The following CEP83 variants were observed in gnomAD, a reference collection of about 807,000 sequenced individuals.
CEP83 encodes centrosomal protein 83.
A neutral mutation model predicts 101.9 loss-of-function variants in CEP83; 70 were observed. The observed-to-expected ratio is 0.69, with a 90% confidence interval of 0.57 to 0.84. The LOEUF (loss-of-function observed/expected upper bound fraction) is 0.84. CEP83 is among the 40% of genes least tolerant of loss of function. The pLI is 0.00. For missense variants in CEP83, 715 were observed against 787.2 expected (o/e 0.91, Z 1.10); for synonymous variants, 264 against 267.9 (o/e 0.99, Z 0.14).
chr12:94,402,409 G>GA (rs548181424), intron 5 of CEP83: 18 of 150,692 alleles, frequency 1.2e-4, no homozygotes, highest in Non-Finnish European at 2.1e-4. Flanking sequence ...ATGTATACCA[G>GA]AAAAAAAAAT....
chr12:94,400,588 G>A (rs1431991253), intron 6 of CEP83, among the ~76,000 whole-genome samples: 2 of 151,972 alleles, frequency 1.3e-5, no homozygotes, highest in African/African-American at 2.4e-5. Flanking sequence ...AAAAGACTTT[G>A]TACAATGAAA....
chr12:94,428,430 T>G (rs1272085386), intron 2 of CEP83, among the ~76,000 whole-genome samples: 10 of 152,224 alleles, frequency 6.6e-5, no homozygotes, highest in African/African-American at 2.4e-4. Flanking sequence ...ACAATAAAGA[T>G]TATCTACTGA....
chr12:94,267,405 ACT>A, the CEP83 span, among the ~76,000 whole-genome samples: 3,182 of 152,258 alleles, frequency 0.021, 32 homozygotes, highest in Middle Eastern at 0.044. Context: ...ATTTGTTAAC[ACT>A]CGACTCATCA....
intron 11 of CEP83, among the ~76,000 whole-genome samples, chr12:94,336,821 G>T (rs982652011): frequency 1.3e-5 from 2 of 151,678 alleles, no homozygotes; most frequent in African/African-American, 4.8e-5. Context: ...TTATCAACTG[G>T]GTGCCTTCTT....
At chr12:94,352,236 T>G (rs2060231551) in intron 11 of CEP83, among the ~76,000 whole-genome samples, 1 of 151,996 alleles carries the variant, frequency 6.6e-6, no homozygotes, top group Admixed American at 6.5e-5. Flanking sequence ...CTGGCCAACA[T>G]ACTGAAACCC....
intron 1 of CEP83, among the ~76,000 whole-genome samples, chr12:94,437,102 G>A (rs895574812): frequency 1.3e-5 from 2 of 151,896 alleles, no homozygotes; most frequent in African/African-American, 2.4e-5. Flanking sequence ...CCAGCACTTC[G>A]GGAGGCCAAG....
intron 11 of CEP83, among the ~76,000 whole-genome samples, chr12:94,345,265 T>C (rs2059878761): frequency 6.6e-6 from 1 of 152,026 alleles, no homozygotes; most frequent in South Asian, 2.1e-4. Flanking sequence ...ATTGATAAAG[T>C]GGTGTAGTAT....
intron 1 of CEP83, among the ~76,000 whole-genome samples, chr12:94,449,825 C>A (rs576137548): frequency 2.3e-4 from 33 of 142,604 alleles, no homozygotes; most frequent in African/African-American, 8.7e-4. Flanking sequence ...ACAGCATGAC[C>A]AAGTGTGATC....
downstream of CEP83, chr12:94,305,335 A>G (rs1293661776): frequency 7.3e-6 from 8 of 1,091,258 alleles, no homozygotes; most frequent in Non-Finnish European, 1.1e-5. Flanking sequence ...ACGACTTGGG[A>G]GCAAAATGGC....
chr12:94,380,071 C>CAAAAAAAAAAA (rs11362391), intron 6 of CEP83, among the ~76,000 whole-genome samples: 2 of 83,198 alleles, frequency 2.4e-5, no homozygotes, highest in Non-Finnish European at 4.7e-5. Context: ...CCCGGCCCTG[C>CAAAAAAAAAAA]AAAAAAAAAA....
intron 8 of CEP83, among the ~76,000 whole-genome samples, chr12:94,372,397 C>A (rs2061346900): frequency 6.6e-6 from 1 of 152,104 alleles, no homozygotes; most frequent in Non-Finnish European, 1.5e-5. Flanking sequence ...GATTTTACTA[C>A]ATTATAATTT....
At chr12:94,278,057 C>G in the CEP83 span, 5 of 455,892 alleles carry the variant, frequency 1.1e-5, no homozygotes, top group South Asian at 4.6e-5. Flanking sequence ...GCTTTGGAGC[C>G]CCCCCTCCCT....
intron 1 of CEP83, among the ~76,000 whole-genome samples, chr12:94,452,153 G>GA (rs1253829680): frequency 1.3e-5 from 2 of 152,260 alleles, no homozygotes; most frequent in South Asian, 4.1e-4. Flanking sequence ...TATAGTGATA[G>GA]AAAGTAGATC....
intron 4 of CEP83, among the ~76,000 whole-genome samples, chr12:94,410,483 TG>T (rs1054141454): frequency 1.3e-5 from 2 of 152,208 alleles, no homozygotes; most frequent in Admixed American, 6.5e-5. Flanking sequence ...ACTCTTTGTC[TG>T]GAAGTCTCTT....
At chr12:94,265,994 G>A in the CEP83 span, among the ~76,000 whole-genome samples, 2 of 152,364 alleles carry the variant, frequency 1.3e-5, no homozygotes, top group East Asian at 3.9e-4. Flanking sequence ...TTGGAGAAGA[G>A]ATTGCTGTGT....
chr12:94,419,838 T>A (rs2064581569), intron 2 of CEP83, among the ~76,000 whole-genome samples: 1 of 151,902 alleles, frequency 6.6e-6, no homozygotes, highest in South Asian at 2.1e-4. Flanking sequence ...CACACTAAAA[T>A]TAATTCTAGT....
Position 94,435,997 on chromosome 12 carries a change from C to G in CEP83, c.-154-670G>C, listed in dbSNP as rs545432878. 1.2e-4 allele frequency among the ~76,000 whole-genome samples: 19 copies of G among 152,144 alleles called. 1 individual carries two copies. The highest frequency in any genetic ancestry group is 1.1e-3 in the Admixed American group (17 of 15,298). ...GAACGGTAATAACAATCACCTCAGT[C>G]TGGCTCCTAGGAAGCCCCATCCCTA... is the stretch of plus-strand genomic sequence containing the variant. On this transcript the variant is annotated intron_variant, in intron 1 of 16. Coordinates refer to ENST00000397809, the MANE Select transcript of CEP83 (RefSeq NM_016122.3).
At chr12:94,430,248 A>G (rs1011509270) in intron 2 of CEP83, among the ~76,000 whole-genome samples, 7 of 152,166 alleles carry the variant, frequency 4.6e-5, no homozygotes, top group African/African-American at 7.2e-5. Flanking sequence ...GAACATAATA[A>G]TTCTCCAGCA....
At chr12:94,440,014 T>C (rs548391649) in intron 1 of CEP83, among the ~76,000 whole-genome samples, 2 of 152,246 alleles carry the variant, frequency 1.3e-5, no homozygotes, top group Non-Finnish European at 2.9e-5. Context: ...GTCTGCAACA[T>C]CGGCATAGAA....
Sources: allele counts gnomAD v4.1 joint callset (sites outside exome capture counted in the v4.1 genomes callset), GRCh38; gene constraint gnomAD v4.1.1; transcripts MANE v1.5; gene names NCBI Gene and HGNC (gene_info 2026-07-23, HGNC 2026-07-21).